Variants in NAALADL2 observed in about 807,000 individuals in gnomAD.
The protein encoded by NAALADL2 is N-acetylated alpha-linked acidic dipeptidase like 2.
Under a neutral mutation model 87.2 loss-of-function variants are expected in NAALADL2, and 76 were observed. That is an observed-to-expected ratio of 0.87 (90% CI 0.72 to 1.05). NAALADL2 has a LOEUF of 1.05. Among genes scored for constraint, NAALADL2 ranks in the 50% least tolerant of loss-of-function variants. NAALADL2 has a pLI of 0.00. For synonymous variants in NAALADL2, 354 were observed against 331.0 expected (o/e 1.07, Z -0.75); for missense variants, 1,089 against 945.8 (o/e 1.15, Z -1.99).
chr3:175,466,954 G>A, intron 7 of NAALADL2, 25 bp from the exon 8 acceptor site: 1 of 1,538,592 alleles, frequency 6.5e-7, no homozygotes, highest in South Asian at 1.1e-5. Flanking sequence ...TTTTTTAAAT[G>A]GCTCTTGTCC....
intron 3 of NAALADL2, among the ~76,000 whole-genome samples, chr3:174,783,472 C>T: frequency 6.6e-6 from 1 of 151,992 alleles, no homozygotes; most frequent in Non-Finnish European, 1.5e-5. Context: ...CACGTTTGAC[C>T]CTTTGCAGAG....
intron 9 of NAALADL2, among the ~76,000 whole-genome samples, chr3:175,498,753 A>G (rs1729147868): frequency 6.6e-6 from 1 of 152,020 alleles, no homozygotes; most frequent in African/African-American, 2.4e-5. Flanking sequence ...TTGCACCAGA[A>G]TTGTTTTCCC....
intron 9 of NAALADL2, among the ~76,000 whole-genome samples, chr3:175,485,581 A>T (rs939446309): frequency 1.3e-5 from 2 of 152,194 alleles, no homozygotes; most frequent in Non-Finnish European, 2.9e-5. Context: ...CAAAAGCCAC[A>T]GAACCTGGAA....
chr3:175,762,844 G>A (rs1020282028), intron 13 of NAALADL2, among the ~76,000 whole-genome samples: 1 of 152,062 alleles, frequency 6.6e-6, no homozygotes, highest in African/African-American at 2.4e-5. Flanking sequence ...AGCACTTTGG[G>A]AAGGCCGAGG....
intron 2 of NAALADL2, among the ~76,000 whole-genome samples, chr3:175,207,992 T>C (rs1247180097): frequency 6.6e-6 from 1 of 152,090 alleles, no homozygotes; most frequent in Non-Finnish European, 1.5e-5. Context: ...AAGCTCTTAT[T>C]GGAAAGAAAT....
At position 175,304,612 on chromosome 3, in the gene NAALADL2, G is replaced by A. The variant is rs549129388; in HGVS notation, c.940-19563G>A. Among the ~76,000 whole-genome samples the A allele has an allele frequency of 2.3e-4, 35 of 152,134 alleles. No homozygotes were observed. In the South Asian group the frequency reaches 3.7e-3, roughly 16 times the overall value. ...ATGAAGCCGGTGCTCATTTCAACTC[G>A]CAGGGTGTGCTCAGCAGCTGCCAGA... On this transcript the variant is annotated intron_variant, in intron 4 of 13. Transcript: ENST00000454872.
At chr3:175,667,256 A>AG (rs1491403545) in intron 11 of NAALADL2, among the ~76,000 whole-genome samples, 16 of 141,116 alleles carry the variant, frequency 1.1e-4, no homozygotes, top group African/African-American at 4.2e-4. Flanking sequence ...AAAGAAAGAA[A>AG]GAAAGAAAGG....
At chr3:175,181,799 A>ATATATGTG (rs1736599674) in intron 2 of NAALADL2, among the ~76,000 whole-genome samples, 2 of 143,468 alleles carry the variant, frequency 1.4e-5, no homozygotes, top group African/African-American at 5.2e-5. Context: ...GTGTGTGTGT[A>ATATATGTG]TATATATGTA....
intron 2 of NAALADL2, among the ~76,000 whole-genome samples, chr3:174,596,514 C>A (rs1477987117): frequency 6.6e-6 from 1 of 152,008 alleles, no homozygotes; most frequent in Non-Finnish European, 1.5e-5. Flanking sequence ...TTACTGAGCC[C>A]AGATTTTCTG....
intron 2 of NAALADL2, among the ~76,000 whole-genome samples, chr3:174,597,252 G>A (rs1455185452): frequency 6.6e-6 from 1 of 152,188 alleles, no homozygotes. Context: ...GTAACAACAG[G>A]AGTCTAGTAG....
intron 1 of NAALADL2, among the ~76,000 whole-genome samples, chr3:175,086,301 C>A (rs1181743979): frequency 6.6e-6 from 1 of 151,436 alleles, no homozygotes. Flanking sequence ...AAAATGGATG[C>A]CTTAGATATC....
chr3:175,403,062 A>G (rs1465666464), intron 5 of NAALADL2, among the ~76,000 whole-genome samples: 1 of 151,936 alleles, frequency 6.6e-6, no homozygotes, highest in Non-Finnish European at 1.5e-5. Flanking sequence ...TGTTTGTTTT[A>G]TTTTGTTTGG....
intron 1 of NAALADL2, among the ~76,000 whole-genome samples, chr3:174,962,349 TTCATTGTCATAGTGACTATGAC>T (rs1742130279): frequency 1.4e-5 from 1 of 73,270 alleles, no homozygotes; most frequent in Non-Finnish European, 3.1e-5. Context: ...TTTAATGGCA[TTCATTGTCATAGTGACTATGAC>T]ATATATATAT....
At chr3:175,018,589 T>A (rs2108850904) in intron 1 of NAALADL2, among the ~76,000 whole-genome samples, 1 of 152,170 alleles carries the variant, frequency 6.6e-6, no homozygotes, top group East Asian at 1.9e-4. Flanking sequence ...TAATTCTAGT[T>A]TCCCCCAGCT....
At chr3:174,723,090 GAGAC>G (rs71843792) in intron 2 of NAALADL2, among the ~76,000 whole-genome samples, 2,147 of 152,212 alleles carry the variant, frequency 0.014, 60 homozygotes, top group African/African-American at 0.05. Flanking sequence ...TAGTCAGAGA[GAGAC>G]AGAGAGACTG....
At chr3:175,588,791 G>A (rs1470242929) in intron 10 of NAALADL2, among the ~76,000 whole-genome samples, 1 of 152,026 alleles carries the variant, frequency 6.6e-6, no homozygotes, top group Non-Finnish European at 1.5e-5. Flanking sequence ...GCCCGCCTTG[G>A]CCTCCCAAAG....
chr3:174,868,135 A>G (rs1419574651), intron 1 of NAALADL2, among the ~76,000 whole-genome samples: 2 of 152,124 alleles, frequency 1.3e-5, no homozygotes, highest in Admixed American at 1.3e-4. Context: ...GCATCTAGAT[A>G]CATTGTGAGG....
At chr3:174,498,009 G>GT (rs1270098520) in intron 1 of NAALADL2, among the ~76,000 whole-genome samples, 4 of 152,086 alleles carry the variant, frequency 2.6e-5, no homozygotes, top group Non-Finnish European at 5.9e-5. Flanking sequence ...GCTTATTTCT[G>GT]TTTTTTCAAT....
chr3:174,454,034 G>C (rs557114618), intron 1 of NAALADL2, among the ~76,000 whole-genome samples: 74 of 152,144 alleles, frequency 4.9e-4, no homozygotes, highest in African/African-American at 1.6e-3. Context: ...ACACCCACAG[G>C]CTTAAAATAA....
Sources: gnomAD v4.1 joint callset for allele counts (sites outside exome capture counted in the v4.1 genomes callset) on GRCh38, gnomAD v4.1.1 for gene constraint, MANE v1.5 for transcripts, NCBI Gene and HGNC (gene_info 2026-07-23, HGNC 2026-07-21) for gene names.